AR: variants seen among roughly 807,000 people sequenced by gnomAD.
The protein encoded by AR is dihydrotestosterone receptor.
In AR, 8 loss-of-function variants were observed where a neutral mutation model predicts 53.9. That is an observed-to-expected ratio of 0.15 (90% confidence interval 0.09 to 0.27). The LOEUF (loss-of-function observed/expected upper bound fraction) is 0.27. Ranked by LOEUF, AR falls within the 10% of genes least tolerant of loss-of-function variation. AR has a pLI of 1.00. For missense variants in AR, 639 were observed against 742.5 expected, an observed-to-expected ratio of 0.86 and a Z score of 1.62; for synonymous variants, 359 against 316.4, an observed-to-expected ratio of 1.13 and a Z score of -1.43.
rs770105874 is a variant in AR at position 67,638,603 on chromosome X, G to A, written c.1617-4653G>A. Reference sequence around the variant, plus strand: ...TGATGAGCTTTTTTTCATGTTTGTTGACCGCATAAATGTCTTCTTTTGAGA... The same window carrying A: ...TGATGAGCTTTTTTTCATGTTTGTTAACCGCATAAATGTCTTCTTTTGAGA... On this transcript the variant is annotated intron_variant, in intron 1 of 7. Transcript: ENST00000374690. 3.6e-5 allele frequency among the ~76,000 whole-genome samples: 4 copies of A among 111,685 alleles called. No individual in the cohort carries two copies. In the South Asian group the frequency reaches 1.5e-3, roughly 42 times the overall value.
intron 1 of AR, among the ~76,000 whole-genome samples, chrX:67,596,121 C>T (rs771573300): frequency 1.8e-5 from 2 of 111,063 alleles, no homozygotes; most frequent in Non-Finnish European, 3.8e-5. Context: ...ATGTGACATG[C>T]CTGCTCCCCC....
rs781617213 is a variant in AR at position 67,659,573 on chromosome X, T to G, written c.1768+16166T>G. On this transcript the variant is annotated intron_variant, in intron 2 of 7. Transcript: ENST00000374690. ...CTTCATTTTTTATGGCTGCGTAGTA[T>G]TCCATGGTATATATGTGCCACATTT... Among the ~76,000 whole-genome samples the G allele has an allele frequency of 9.8e-5, 11 of 111,987 alleles. No individual in the cohort carries two copies. The South Asian group carries it at 4.1e-3, about 42-fold the overall frequency.
intron 2 of AR, among the ~76,000 whole-genome samples, chrX:67,664,541 C>G (rs1378014699): frequency 8.9e-6 from 1 of 112,067 alleles, no homozygotes; most frequent in Admixed American, 9.4e-5. Context: ...GGGGTGCCTC[C>G]CAGTTAGGCT....
intron 3 of AR, among the ~76,000 whole-genome samples, chrX:67,692,550 A>G (rs894335200): frequency 1.8e-5 from 2 of 112,195 alleles, no homozygotes; most frequent in Admixed American, 9.4e-5. Flanking sequence ...AGATACAGAG[A>G]GGCCTTGTTT....
intron 1 of AR, among the ~76,000 whole-genome samples, chrX:67,622,264 A>G (rs984417706): frequency 8.9e-6 from 1 of 111,777 alleles, no homozygotes; most frequent in African/African-American, 3.3e-5. Context: ...CATTGCAGAA[A>G]GAAATCTGGC....
intron 1 of AR, among the ~76,000 whole-genome samples, chrX:67,577,200 T>G (rs897989607): frequency 1.8e-5 from 2 of 110,717 alleles, no homozygotes; most frequent in African/African-American, 6.6e-5. Flanking sequence ...TCTGGACATT[T>G]CATGTAAACA....
intron 3 of AR, among the ~76,000 whole-genome samples, chrX:67,690,719 T>G (rs2075991257): frequency 8.9e-6 from 1 of 111,760 alleles, no homozygotes; most frequent in Non-Finnish European, 1.9e-5. Context: ...ATTCCTTTCC[T>G]CAAAAATTTG....
chrX:67,660,315 T>C (rs1274851525), intron 2 of AR, among the ~76,000 whole-genome samples: 1 of 111,874 alleles, frequency 8.9e-6, no homozygotes, highest in Admixed American at 9.5e-5. Flanking sequence ...TGGTATTGCG[T>C]AGGTTTTCTT....
intron 1 of AR, among the ~76,000 whole-genome samples, chrX:67,563,648 G>A (rs1312559210): frequency 8.9e-6 from 1 of 111,904 alleles, no homozygotes; most frequent in Admixed American, 9.5e-5. Flanking sequence ...ATGTAAGCGT[G>A]AGGTCATTGC....
At chrX:67,715,946 T>C (rs2076111329) in intron 4 of AR, among the ~76,000 whole-genome samples, 1 of 111,917 alleles carries the variant, frequency 8.9e-6, no homozygotes, top group East Asian at 2.8e-4. Flanking sequence ...CATCCAACTG[T>C]TTCAAAAACT....
At chrX:67,568,516 G>A (rs956727507) in intron 1 of AR, among the ~76,000 whole-genome samples, 1 of 111,204 alleles carries the variant, frequency 9.0e-6, no homozygotes, top group African/African-American at 3.3e-5. Context: ...CAGTGATTTT[G>A]ACTCTTTCTA....
chrX:67,597,473 G>A (rs1923136759), intron 1 of AR, among the ~76,000 whole-genome samples: 1 of 111,920 alleles, frequency 8.9e-6, no homozygotes, highest in African/African-American at 3.2e-5. Context: ...CTTGTAGTAA[G>A]AGCATACTTA....
intron 2 of AR, among the ~76,000 whole-genome samples, chrX:67,664,817 G>A (rs1045263083): frequency 3.5e-4 from 39 of 112,315 alleles, no homozygotes; most frequent in East Asian, 1.4e-3. Context: ...CAGCAATGGC[G>A]GGCACCCCTC....
At chrX:67,581,378 A>G (rs776992481) in intron 1 of AR, among the ~76,000 whole-genome samples, 1 of 111,857 alleles carries the variant, frequency 8.9e-6, no homozygotes, top group Non-Finnish European at 1.9e-5. Context: ...AAGAAATTTC[A>G]ATGTTGAAAA....
chrX:67,555,166 T>G (rs767365760), intron 1 of AR, among the ~76,000 whole-genome samples: 1 of 110,377 alleles, frequency 9.1e-6, no homozygotes, highest in South Asian at 3.9e-4. Context: ...GATTGTACGG[T>G]ATGGATTTCT....
chrX:67,711,726 G>C (rs762348443), intron 4 of AR, 37 bp downstream of exon 4: 4 of 1,166,941 alleles, frequency 3.4e-6, no homozygotes, highest in East Asian at 3.0e-5. Flanking sequence ...AGATAAGGGG[G>C]ATCATATTTA....
intron 3 of AR, among the ~76,000 whole-genome samples, chrX:67,690,266 CTT>C (rs1258372209): frequency 8.9e-6 from 1 of 112,104 alleles, no homozygotes; most frequent in Admixed American, 9.5e-5. Flanking sequence ...AGAATAAAAA[CTT>C]AACATATCTA....
chrX:67,644,603 G>A (rs774868122), intron 2 of AR, among the ~76,000 whole-genome samples: 1 of 112,107 alleles, frequency 8.9e-6, no homozygotes, highest in East Asian at 2.8e-4. Flanking sequence ...AGAAAAGGTA[G>A]AAAGAGAATG....
At position 67,711,555 on chromosome X, in the gene AR, C is replaced by T. The variant is rs752745942; in HGVS notation, c.2039C>T (p.Ala680Val). The change falls in exon 4 of 8, where the codon GCC becomes GTC. Residue 680 changes from alanine to valine, a missense_variant. Ala to Val is a moderately conservative substitution (Grantham distance 64). This residue lies in a region of AR where 95 missense variants were observed against 196.4 expected (regional missense o/e 0.48). Coordinates refer to ENST00000374690, the MANE Select transcript of AR (RefSeq NM_000044.6). ...CCCATCTTTCTGAATGTCCTGGAAGCCATTGAGCCAGGTGTAGTGTGTGCT... is the reference window on the plus strand; with the variant it reads ...CCCATCTTTCTGAATGTCCTGGAAGTCATTGAGCCAGGTGTAGTGTGTGCT... ...CQPIFLNVLE[A>V]IEPGVVCAGH... The T allele has an allele frequency of 1.7e-6, 2 of 1,211,533 alleles. No individual in the cohort carries two copies. The highest frequency in any genetic ancestry group is 1.7e-5 in the African/African-American group (1 of 57,737).
Sources: allele counts gnomAD v4.1 joint callset (sites outside exome capture counted in the v4.1 genomes callset), GRCh38; gene constraint gnomAD v4.1.1; regional missense constraint gnomAD v4.1.1; transcripts MANE v1.5; gene names NCBI Gene and HGNC (gene_info 2026-07-23, HGNC 2026-07-21).